The following ACOXL variants were observed in gnomAD, a reference collection of about 807,000 sequenced individuals.
ACOXL encodes the protein acyl-coenzyme A oxidase-like protein.
A neutral mutation model predicts 71.9 loss-of-function variants in ACOXL; 70 were observed. The observed-to-expected ratio is 0.97, with a 90% CI of 0.80 to 1.19. ACOXL has a LOEUF of 1.19. Ranked by LOEUF, ACOXL falls within the 50% of genes most tolerant of loss-of-function variation. ACOXL has a pLI of 0.00. For synonymous variants in ACOXL, 253 were observed against 281.6 expected, an observed-to-expected ratio of 0.90 and a Z score of 1.02; for missense variants, 703 against 736.3, an observed-to-expected ratio of 0.95 and a Z score of 0.52.
intron 10 of ACOXL, among the ~76,000 whole-genome samples, chr2:110,864,740 CTTTCACTAACTGT>C (rs1261341846): frequency 2.0e-5 from 3 of 152,252 alleles, no homozygotes; most frequent in Non-Finnish European, 4.4e-5. Flanking sequence ...ATTAACCAGG[CTTTCACTAACTGT>C]AATACAGTCC....
At chr2:110,887,197 T>C (rs1697400341) in intron 10 of ACOXL, 1 of 248,686 alleles carries the variant, frequency 4.0e-6, no homozygotes, top group Non-Finnish European at 7.9e-6. Flanking sequence ...AAAGTGAAAA[T>C]TGGCTTCTAT....
chr2:110,986,961 T>C (rs1302231672), intron 12 of ACOXL, 147 bp from the exon 13 acceptor site: 1 of 671,588 alleles, frequency 1.5e-6, no homozygotes, highest in Non-Finnish European at 2.5e-6. Flanking sequence ...CTTGGGGAAA[T>C]AGAGACCCTT....
chr2:110,766,490 C>G (rs1351832010), intron 1 of ACOXL, among the ~76,000 whole-genome samples: 1 of 152,180 alleles, frequency 6.6e-6, no homozygotes, highest in African/African-American at 2.4e-5. Context: ...CCCCTCCCCA[C>G]TGGGCTGAGC....
chr2:110,965,472 C>T (rs1183055535), intron 12 of ACOXL, among the ~76,000 whole-genome samples: 1 of 152,100 alleles, frequency 6.6e-6, no homozygotes, highest in Non-Finnish European at 1.5e-5. Context: ...ACCAACAGTG[C>T]CTAAAACAAT....
At chr2:110,733,489 TCAAG>T (rs1215174487) in intron 1 of ACOXL, among the ~76,000 whole-genome samples, 3 of 152,174 alleles carry the variant, frequency 2.0e-5, no homozygotes, top group African/African-American at 7.2e-5. Context: ...CATACCCATT[TCAAG>T]CAGTCTGAAA....
At chr2:110,758,163 C>T (rs1193677265) in intron 1 of ACOXL, among the ~76,000 whole-genome samples, 2 of 152,036 alleles carry the variant, frequency 1.3e-5, no homozygotes, top group Non-Finnish European at 2.9e-5. Context: ...TTTTCCCATT[C>T]CTTGTTTTTG....
chr2:111,028,310 G>T lies in ACOXL; in HGVS notation c.1282-3317G>T, dbSNP rs886176332. ...TGTTTTGGAGTTTTTTTGAGACAGG[G>T]TCTCACTGTGTCACCCAGGCTAGAG... On this transcript the variant is annotated intron_variant, in intron 14 of 17. Transcript: ENST00000439055. 8.6e-5 allele frequency among the ~76,000 whole-genome samples: 13 copies of T among 151,924 alleles called. No homozygotes were observed. The East Asian group carries it at 2.5e-3, about 30-fold the overall frequency.
At chr2:110,966,272 A>C (rs868729222) in intron 12 of ACOXL, among the ~76,000 whole-genome samples, 1 of 152,160 alleles carries the variant, frequency 6.6e-6, no homozygotes, top group Admixed American at 6.5e-5. Context: ...CCCACTCAGC[A>C]GCAACAAGAA....
intron 3 of ACOXL, among the ~76,000 whole-genome samples, chr2:110,793,354 G>A (rs1367356076): frequency 1.3e-5 from 2 of 152,210 alleles, no homozygotes; most frequent in Non-Finnish European, 1.5e-5. Context: ...GATCCTGAGA[G>A]GACAAAGCAG....
chr2:111,039,176 G>T (rs553791702), intron 15 of ACOXL, among the ~76,000 whole-genome samples: 13 of 152,266 alleles, frequency 8.5e-5, no homozygotes, highest in African/African-American at 3.1e-4. Flanking sequence ...TTTCTTCAAT[G>T]CATCTGTTTA....
intron 17 of ACOXL, among the ~76,000 whole-genome samples, chr2:111,108,867 G>C (rs1239349321): frequency 6.6e-6 from 1 of 152,232 alleles, no homozygotes; most frequent in African/African-American, 2.4e-5. Flanking sequence ...GCCTGCTCCA[G>C]AGCTTCGTAG....
intron 16 of ACOXL, among the ~76,000 whole-genome samples, chr2:111,058,694 T>C (rs1438562074): frequency 6.6e-6 from 1 of 151,988 alleles, no homozygotes; most frequent in African/African-American, 2.4e-5. Flanking sequence ...AACTTTGAGA[T>C]GGGGAAAAAG....
At chr2:110,912,830 GA>G (rs1447900452) in intron 11 of ACOXL, among the ~76,000 whole-genome samples, 1 of 152,098 alleles carries the variant, frequency 6.6e-6, no homozygotes, top group African/African-American at 2.4e-5. Context: ...CACAGAATAG[GA>G]GAAAGTATTT....
At chr2:110,866,633 C>T (rs1187811712) in intron 10 of ACOXL, among the ~76,000 whole-genome samples, 3 of 152,012 alleles carry the variant, frequency 2.0e-5, no homozygotes, top group South Asian at 2.1e-4. Context: ...GGGGCAGAGT[C>T]GTGGCTTTGC....
intron 3 of ACOXL, 23 bp from the exon 4 acceptor site, chr2:110,793,627 G>A (rs776105323): frequency 3.1e-6 from 5 of 1,604,108 alleles, no homozygotes; most frequent in Non-Finnish European, 4.3e-6. Context: ...GCTAATGATG[G>A]TTTGTATTGT....
At chr2:110,923,899 G>T (rs2060173208) in intron 11 of ACOXL, among the ~76,000 whole-genome samples, 1 of 150,834 alleles carries the variant, frequency 6.6e-6, no homozygotes, top group Admixed American at 6.6e-5. Context: ...ACACACCATT[G>T]TCATCTAGCC....
chr2:110,788,576 T>A (rs1684268964), intron 3 of ACOXL, among the ~76,000 whole-genome samples: 1 of 152,196 alleles, frequency 6.6e-6, no homozygotes, highest in Non-Finnish European at 1.5e-5. Context: ...TGTACAACAT[T>A]ATGACTGTAC....
intron 12 of ACOXL, 53 bp downstream of exon 12, chr2:110,933,695 G>C (rs2060563348): frequency 6.5e-7 from 1 of 1,550,346 alleles, no homozygotes; most frequent in Non-Finnish European, 8.7e-7. Context: ...AACCCACACT[G>C]GGGGAGCACT....
intron 16 of ACOXL, among the ~76,000 whole-genome samples, chr2:111,060,738 A>G (rs1188330633): frequency 6.6e-6 from 1 of 152,248 alleles, no homozygotes; most frequent in African/African-American, 2.4e-5. Flanking sequence ...TATTATAAAA[A>G]TGCTTCAATG....
Sources: allele counts gnomAD v4.1 joint callset (sites outside exome capture counted in the v4.1 genomes callset), GRCh38; gene constraint gnomAD v4.1.1; transcripts MANE v1.5; gene names NCBI Gene and HGNC (gene_info 2026-07-23, HGNC 2026-07-21).